The following PAM variants were observed in gnomAD, a reference collection of about 807,000 sequenced individuals.
PAM encodes peptidyl-glycine alpha-amidating monooxygenase.
In PAM, 72 loss-of-function variants were observed where a neutral mutation model predicts 122.1. The ratio of observed to expected loss-of-function variants is 0.59; its 90% CI spans 0.49 to 0.72. The LOEUF (loss-of-function observed/expected upper bound fraction) is 0.72. Ranked by LOEUF, PAM falls within the 30% of genes least tolerant of loss-of-function variation. The probability of loss-of-function intolerance (pLI) is 0.00; values close to 1 mark genes in which losing one functional copy is unlikely to be tolerated. For missense variants in PAM, 1,106 were observed against 1,183.7 expected (o/e 0.93, Z 0.96); for synonymous variants, 389 against 404.4 (o/e 0.96, Z 0.46).
intron 1 of PAM, among the ~76,000 whole-genome samples, chr5:102,777,285 C>T (rs1218925818): frequency 6.6e-6 from 1 of 152,020 alleles, no homozygotes; most frequent in Non-Finnish European, 1.5e-5. Flanking sequence ...CTTGACTATG[C>T]TGTTTAAAAT....
At position 103,007,692 on chromosome 5, in the gene PAM, C is replaced by G. The variant is rs138880164; in HGVS notation, c.2215+35C>G. On this transcript the variant is annotated intron_variant, in intron 20 of 25. Transcript: ENST00000438793. Reference sequence around the variant, plus strand: ...CTTAATATGTTTGTTGTCTTCTGTCCTACTGTACTCTATCCTTAAAAATTG... The same window carrying G: ...CTTAATATGTTTGTTGTCTTCTGTCGTACTGTACTCTATCCTTAAAAATTG... The G allele has an allele frequency of 2.8e-3, 3,556 of 1,287,960 alleles. 11 individuals carry two copies. The highest frequency in any genetic ancestry group is 3.7e-3 in the Non-Finnish European group (3,283 of 887,020). 79.8% of individuals were successfully genotyped at this position (1,287,960 alleles called of 1,614,324 possible).
chr5:102,826,070 C>T (rs1190466198), intron 1 of PAM, among the ~76,000 whole-genome samples: 1 of 152,114 alleles, frequency 6.6e-6, no homozygotes, highest in Non-Finnish European at 1.5e-5. Flanking sequence ...TGATTGTTAA[C>T]AAAGTATGAG....
chr5:102,781,572 C>G (rs921867297), intron 1 of PAM, among the ~76,000 whole-genome samples: 1 of 152,174 alleles, frequency 6.6e-6, no homozygotes, highest in African/African-American at 2.4e-5. Flanking sequence ...CTGTGCTGTT[C>G]CTTTTACCAC....
intron 1 of PAM, among the ~76,000 whole-genome samples, chr5:102,856,341 G>A (rs1328337703): frequency 6.6e-6 from 1 of 152,098 alleles, no homozygotes; most frequent in African/African-American, 2.4e-5. Context: ...AATAAATAAG[G>A]TACCTGGTAG....
At chr5:103,003,489 A>G (rs1261126890) in intron 17 of PAM, among the ~76,000 whole-genome samples, 1 of 152,174 alleles carries the variant, frequency 6.6e-6, no homozygotes, top group Non-Finnish European at 1.5e-5. Flanking sequence ...ATTTGAGGTG[A>G]TGGATATGTT....
intron 1 of PAM, among the ~76,000 whole-genome samples, chr5:102,840,281 A>G (rs372354280): frequency 2.0e-5 from 3 of 152,292 alleles, no homozygotes; most frequent in South Asian, 4.1e-4. Flanking sequence ...GTTTCCATTC[A>G]AAAGTGTTTA....
At chr5:102,917,392 A>T (rs1745796200) in intron 5 of PAM, among the ~76,000 whole-genome samples, 1 of 152,242 alleles carries the variant, frequency 6.6e-6, no homozygotes. Flanking sequence ...TCTAAGACAT[A>T]GACAGCACTT....
chr5:102,931,401 G>A (rs1428054090), intron 7 of PAM, among the ~76,000 whole-genome samples: 1 of 152,110 alleles, frequency 6.6e-6, no homozygotes, highest in Non-Finnish European at 1.5e-5. Flanking sequence ...AGTGAGAATT[G>A]GGGATTCCTC....
chr5:103,027,225 A>T (rs11948273), intron 24 of PAM, among the ~76,000 whole-genome samples: 6,961 of 152,264 alleles, frequency 0.046, 532 homozygotes, highest in African/African-American at 0.16. Flanking sequence ...GCACATGGGG[A>T]TACAAAACTA....
chr5:103,006,629 G>A (rs915991719), intron 18 of PAM, among the ~76,000 whole-genome samples, 172 bp from the exon 19 acceptor site: 4 of 152,162 alleles, frequency 2.6e-5, no homozygotes, highest in African/African-American at 9.7e-5. Flanking sequence ...GAAGGAACCA[G>A]ACCAGATGAT....
In PAM at chr5:103,007,543, G is replaced by A. The variant is rs761985852; in HGVS notation, c.2101G>A (p.Ala701Thr). 2.5e-6 allele frequency: 4 copies of A among 1,613,972 alleles called. No homozygotes were observed. In the Admixed American group the frequency reaches 5.0e-5, roughly 20 times the overall value. The change falls in exon 20 of 26, where the codon GCA becomes ACA. Residue 701 changes from alanine to threonine, a missense_variant. Transcript: ENST00000438793. ...GCCTCTTTTGGGCCAATTATGTGTGGCAGACCGGGAAAATGGTCGGATCCA... is the reference window on the plus strand; with the variant it reads ...GCCTCTTTTGGGCCAATTATGTGTGACAGACCGGGAAAATGGTCGGATCCA... ...LVPLLGQLCVADRENGRIQCF... is the reference protein window; with the variant it reads ...LVPLLGQLCVTDRENGRIQCF...
intron 7 of PAM, among the ~76,000 whole-genome samples, chr5:102,944,809 TA>T (rs1385015472): frequency 6.6e-5 from 10 of 152,178 alleles, no homozygotes; most frequent in African/African-American, 2.4e-4. Context: ...TTTTATTCTG[TA>T]TCTAGCTAGT....
chr5:102,801,999 C>T (rs1764886924), intron 1 of PAM, among the ~76,000 whole-genome samples: 1 of 150,864 alleles, frequency 6.6e-6, no homozygotes, highest in Admixed American at 6.6e-5. Flanking sequence ...AGGATGGTCT[C>T]GATCTGATCT....
intron 1 of PAM, among the ~76,000 whole-genome samples, chr5:102,834,683 C>A (rs1197035301): frequency 6.6e-6 from 1 of 152,090 alleles, no homozygotes; most frequent in Non-Finnish European, 1.5e-5. Flanking sequence ...GCAGAGGAAA[C>A]AGCAAGTGCA....
intron 15 of PAM, among the ~76,000 whole-genome samples, chr5:102,988,722 AAAAAG>A (rs1772984973): frequency 6.6e-6 from 1 of 151,134 alleles, no homozygotes; most frequent in Non-Finnish European, 1.5e-5. Flanking sequence ...AAAGAAAAGA[AAAAAG>A]GGAAGGAAGG....
At chr5:102,868,264 A>G (rs1786223795) in intron 3 of PAM, among the ~76,000 whole-genome samples, 1 of 151,188 alleles carries the variant, frequency 6.6e-6, no homozygotes, top group African/African-American at 2.5e-5. Flanking sequence ...TTTCTTTTTT[A>G]TTTTATTTTC....
At chr5:102,775,402 C>T (rs530088129) in intron 1 of PAM, among the ~76,000 whole-genome samples, 10 of 152,044 alleles carry the variant, frequency 6.6e-5, no homozygotes, top group Non-Finnish European at 1.0e-4. Context: ...CATAGGTAAA[C>T]GTGTGCCATG....
chr5:102,830,057 G>A (rs959031858), intron 1 of PAM, among the ~76,000 whole-genome samples: 2 of 152,150 alleles, frequency 1.3e-5, no homozygotes, highest in South Asian at 2.1e-4. Flanking sequence ...CCTGCTCTAG[G>A]TAAATATTTC....
rs760047233 is a variant in PAM at position 102,990,405 on chromosome 5, A to C, written c.1613+4A>C. 5 of 1,570,246 alleles carry C rather than the reference A, an allele frequency of 3.2e-6. No individual in the cohort carries two copies. The highest frequency in any genetic ancestry group is 3.6e-5 in the Admixed American group (2 of 54,812). On this transcript the variant is annotated splice_donor_region_variant and intron_variant, in intron 16 of 25. Coordinates refer to ENST00000438793, the MANE Select transcript of PAM (RefSeq NM_001177306.2). ...GTGACCATGTCTGGGATGGAAAGTA[A>C]GTAATATTTTTTCTTCAATAAGCAA...
Sources: allele counts gnomAD v4.1 joint callset (sites outside exome capture counted in the v4.1 genomes callset), GRCh38; gene constraint gnomAD v4.1.1; transcripts MANE v1.5; gene names NCBI Gene and HGNC (gene_info 2026-07-23, HGNC 2026-07-21).